Variants in RTEL1 observed in about 807,000 individuals in gnomAD.
RTEL1 encodes regulator of telomere elongation helicase 1.
Under a neutral mutation model 162.2 loss-of-function variants are expected in RTEL1, and 86 were observed. The observed-to-expected ratio is 0.53, with a 90% confidence interval of 0.45 to 0.63. RTEL1 has a LOEUF of 0.63. RTEL1 is among the 30% of genes least tolerant of loss of function. The probability of loss-of-function intolerance (pLI) is 0.00; values close to 1 mark genes in which losing one functional copy is unlikely to be tolerated. For synonymous variants in RTEL1, 958 were observed against 717.9 expected (o/e 1.33, Z -5.35); for missense variants, 1,941 against 1,750.2 (o/e 1.11, Z -1.95).
chr20:63,673,850 T>C, intron 9 of RTEL1, 90 bp from the exon 10 acceptor site: 1 of 1,451,586 alleles, frequency 6.9e-7, no homozygotes, highest in South Asian at 1.3e-5. Flanking sequence ...GTCAGCCTCC[T>C]GTGCCTTCTG....
chr20:63,671,713 G>C (rs907802166), intron 8 of RTEL1, among the ~76,000 whole-genome samples: 1 of 149,448 alleles, frequency 6.7e-6, no homozygotes. Flanking sequence ...GGCTGGTCTC[G>C]ATCTCCTGAC....
chr20:63,687,882 G>T (rs2090632848), intron 17 of RTEL1, 55 bp from the exon 18 acceptor site: 1 of 1,599,148 alleles, frequency 6.3e-7, no homozygotes, highest in Non-Finnish European at 8.5e-7. Flanking sequence ...GGCCTCGAGG[G>T]CTAAAGGGGT....
chr20:63,659,567 G>T, intron 2 of RTEL1, 63 bp downstream of exon 2: 3 of 1,264,582 alleles, frequency 2.4e-6, no homozygotes, highest in Admixed American at 1.7e-5. Flanking sequence ...GACGGGGTGT[G>T]CTTCCCTCTC....
In RTEL1 at chr20:63,674,064, C is replaced by T. The variant is rs748022323; in HGVS notation, c.890C>T (p.Pro297Leu). ...GCAGCGCAGCAGGGTGAGCCCCACCCGGAGTTCAGCGCGGACTCCCCCAGC... is the reference window on the plus strand; with the variant it reads ...GCAGCGCAGCAGGGTGAGCCCCACCTGGAGTTCAGCGCGGACTCCCCCAGC... Reference protein sequence around the residue: ...TKAAQQGEPHPEFSADSPSPG... With the variant: ...TKAAQQGEPHLEFSADSPSPG... The change falls in exon 10 of 35, where the codon CCG becomes CTG. Residue 297 changes from proline (P) to leucine (L), a missense_variant. Transcript: ENST00000360203. 7.4e-6 allele frequency: 12 copies of T among 1,613,190 alleles called. No individual in the cohort carries two copies. The highest frequency in any genetic ancestry group is 3.3e-4 in the Middle Eastern group (2 of 6,012).
Position 63,661,739 on chromosome 20 carries a change from G to T in RTEL1, c.302-111G>T. The T allele has an allele frequency of 9.8e-7, 1 of 1,020,456 alleles. No homozygotes were observed. Among genetic ancestry groups the T allele is most frequent in the Admixed American group, 1.9e-5 (1 of 51,838 alleles). The allele number at this position is 1,020,456 out of a possible 1,614,324, so 63.2% of individuals were successfully genotyped here. ...TTTTTGATAAACCAGTATCTGGGGTGTCAGATTCTTGGCTGTCTGCAGGGC... is the reference window on the plus strand; with the variant it reads ...TTTTTGATAAACCAGTATCTGGGGTTTCAGATTCTTGGCTGTCTGCAGGGC... On this transcript the variant is annotated intron_variant, in intron 3 of 34. Transcript: ENST00000360203. This position sits in a 1 kb window ranked among gnomAD's most constrained non-coding sequence, Gnocchi z 5.1.
At chr20:63,677,606 C>T (rs1025399668) in intron 10 of RTEL1, among the ~76,000 whole-genome samples, 1 of 152,174 alleles carries the variant, frequency 6.6e-6, no homozygotes, top group Admixed American at 6.5e-5. Flanking sequence ...GAGTGACACC[C>T]TGTCTCAAAA....
intron 6 of RTEL1, among the ~76,000 whole-genome samples, chr20:63,664,198 T>C (rs184178493): frequency 5.6e-4 from 86 of 152,232 alleles, no homozygotes; most frequent in Non-Finnish European, 1.0e-3. Context: ...AGGACGTGAC[T>C]CTGGGACGGG....
At chr20:63,687,260 G>A (rs1029745434) in intron 16 of RTEL1, 18 of 211,632 alleles carry the variant, frequency 8.5e-5, no homozygotes, top group Non-Finnish European at 1.2e-4. Flanking sequence ...GCACGCGGCC[G>A]TGGAATGTCG....
Position 63,661,679 on chromosome 20 carries a change from C to T in RTEL1, c.302-171C>T. On this transcript the variant is annotated intron_variant, in intron 3 of 34. Transcript: ENST00000360203. This position sits in a 1 kb window ranked among gnomAD's most constrained non-coding sequence, Gnocchi z 5.1. Reference sequence around the variant, plus strand: ...GTAAACCTAGGGTTGGGCTTTTTTGCTGAATTAGGGCACGGCAGATGCCCA... The same window carrying T: ...GTAAACCTAGGGTTGGGCTTTTTTGTTGAATTAGGGCACGGCAGATGCCCA... 3 of 878,382 alleles carry T rather than the reference C, an allele frequency of 3.4e-6. No homozygotes were observed. Among genetic ancestry groups the T allele is most frequent in the South Asian group, 3.4e-5 (2 of 58,624 alleles). 54.4% of individuals were successfully genotyped at this position (878,382 alleles called of 1,614,324 possible).
rs2090458664 is a variant in RTEL1, at chr20:63,680,574, G to A, written c.1136-90G>A. The A allele has an allele frequency of 4.3e-6, 6 of 1,405,878 alleles. No individual in the cohort carries two copies. The Admixed American group carries it at 1.0e-4, about 24-fold the overall frequency. The allele number at this position is 1,405,878 out of a possible 1,614,324, so 87.1% of individuals were successfully genotyped here. ...GGCAGGAGATGGAGCTTGGCAGTCGGGCTGAGCGGGCTCATGCTGGAAGGG... is the reference window on the plus strand; with the variant it reads ...GGCAGGAGATGGAGCTTGGCAGTCGAGCTGAGCGGGCTCATGCTGGAAGGG... On this transcript the variant is annotated intron_variant, in intron 13 of 34. Coordinates refer to ENST00000360203, the MANE Select transcript of RTEL1 (RefSeq NM_001283009.2).
intron 14 of RTEL1, chr20:63,682,766 A>G: frequency 1.1e-6 from 1 of 882,504 alleles, no homozygotes; most frequent in Non-Finnish European, 1.4e-6. Context: ...AGGATGTGGG[A>G]TGCACAGCTC....
intron 8 of RTEL1, among the ~76,000 whole-genome samples, chr20:63,670,868 A>T (rs567941853): frequency 6.6e-6 from 1 of 152,112 alleles, no homozygotes; most frequent in East Asian, 1.9e-4. Flanking sequence ...GGTTTACCAG[A>T]GTTTTGTTTG....
At chr20:63,692,254 T>A (rs953650157) in intron 28 of RTEL1, 44 of 222,316 alleles carry the variant, frequency 2.0e-4, no homozygotes, top group Middle Eastern at 1.7e-3. Flanking sequence ...GTCCCTTGGC[T>A]TCTGGGAAGA....
Position 63,690,456 on chromosome 20 carries a change from C to A in RTEL1, c.2413+15C>A. The A allele has an allele frequency of 8.5e-7, 1 of 1,178,682 alleles. No homozygotes were observed. Among genetic ancestry groups the A allele is most frequent in the Admixed American group, 2.3e-5 (1 of 43,822 alleles). 73.0% of individuals were successfully genotyped at this position (1,178,682 alleles called of 1,614,324 possible). A position where few individuals can be genotyped will look rare whatever the true frequency, so the allele number is the denominator to read the frequency against. On this transcript the variant is annotated intron_variant, in intron 26 of 34. Transcript: ENST00000360203. ...GAGGTCCTCAGGTGCGGACGGGCAG[C>A]GCTGGGTGGGCGGTGTGGGGGTGGC... is the stretch of plus-strand genomic sequence containing the variant.
rs1034264507 is a variant in RTEL1 at position 63,662,342 on chromosome 20, T to C, written c.396-204T>C. ...TGTGGCCGGACCAGTGGCAGGGTGC[T>C]GTGGAAGCTGTCGAATCTCCTCCCT... is the stretch of plus-strand genomic sequence containing the variant. On this transcript the variant is annotated intron_variant, in intron 4 of 34. Coordinates refer to ENST00000360203, the MANE Select transcript of RTEL1 (RefSeq NM_001283009.2). 6 of 957,410 alleles carry C rather than the reference T, an allele frequency of 6.3e-6. No individual in the cohort carries two copies. The Admixed American group carries it at 8.1e-5, about 13-fold the overall frequency. The allele number at this position is 957,410 out of a possible 1,614,324, so 59.3% of individuals were successfully genotyped here. A position where few individuals can be genotyped will look rare whatever the true frequency, so the allele number is the denominator to read the frequency against.
rs2297432 is a variant in RTEL1, at chr20:63,659,310, C to G, written c.-93C>G. On this transcript the variant is annotated 5_prime_UTR_variant, in exon 2 of 35. Coordinates refer to ENST00000360203, the MANE Select transcript of RTEL1 (RefSeq NM_001283009.2). ...GCTCGCATCGCTTACCAGGAGTGCC[C>G]GAGACCCTAAGATGTTCGGAGTGGT... The G allele has an allele frequency of 2.6e-5, 22 of 836,998 alleles. No homozygotes were observed. In the South Asian group the frequency reaches 2.8e-4, roughly 11 times the overall value. 51.8% of individuals were successfully genotyped at this position (836,998 alleles called of 1,614,324 possible). A position where few individuals can be genotyped will look rare whatever the true frequency, so the allele number is the denominator to read the frequency against.
At position 63,687,693 on chromosome 20, in the gene RTEL1, C is replaced by A; in HGVS notation, c.1404C>A (p.Val468=). ...CCGGCCACAGCATGCACGAGCTGGT[C>A]CGCCAGGGCGTCCGCTCCCTCATCC... ...FSPGHSMHEL[V]RQGVRSLILT... is the part of the protein sequence containing the mutation. Residue 468 remains valine, a synonymous_variant, in exon 17 of 35, where the codon GTC becomes GTA. Transcript: ENST00000360203. 1 of 1,607,896 alleles carries A rather than the reference C, an allele frequency of 6.2e-7. No individual in the cohort carries two copies. Among genetic ancestry groups the A allele is most frequent in the East Asian group, 2.2e-5 (1 of 44,774 alleles).
chr20:63,662,669 C>T (rs200240341), intron 5 of RTEL1, 42 bp downstream of exon 5: 101 of 1,611,580 alleles, frequency 6.3e-5, no homozygotes, highest in South Asian at 1.1e-4. Flanking sequence ...GTCCGACAGG[C>T]GAGTGCTGCT....
chr20:63,665,245 G>A (rs943135491), intron 6 of RTEL1: 1 of 152,652 alleles, frequency 6.6e-6, no homozygotes, highest in African/African-American at 2.4e-5. Context: ...GGAGCTGGGG[G>A]AGGCCCCATT....
Sources: allele counts gnomAD v4.1 joint callset (sites outside exome capture counted in the v4.1 genomes callset), GRCh38; gene constraint gnomAD v4.1.1; non-coding constraint Gnocchi (gnomAD v3.1); transcripts MANE v1.5; gene names NCBI Gene and HGNC (gene_info 2026-07-23, HGNC 2026-07-21).